The following MOV10 variants were observed in gnomAD, a reference collection of about 807,000 sequenced individuals.
MOV10 encodes the protein Mov10 RNA helicase, also known as RNA helicase MOV-10.
Under a neutral mutation model 108.4 loss-of-function variants are expected in MOV10, and 39 were observed. That is an observed-to-expected ratio of 0.36 (90% CI 0.28 to 0.47). The LOEUF (loss-of-function observed/expected upper bound fraction) is 0.47. Ranked by LOEUF, MOV10 falls within the 20% of genes least tolerant of loss-of-function variation. MOV10 has a pLI of 1.00. For missense variants in MOV10, 952 were observed against 1,297.6 expected, an observed-to-expected ratio of 0.73 and a Z score of 4.09; for synonymous variants, 490 against 523.1, an observed-to-expected ratio of 0.94 and a Z score of 0.86.
intron 2 of MOV10, among the ~76,000 whole-genome samples, chr1:112,678,550 A>G (rs1480055851): frequency 6.6e-6 from 1 of 152,066 alleles, no homozygotes; most frequent in Non-Finnish European, 1.5e-5. Context: ...TAGTCTAGCA[A>G]CCTAGACTAG....
chr1:112,697,968 T>C, intron 14 of MOV10, 26 bp from the exon 15 acceptor site: 3 of 1,597,470 alleles, frequency 1.9e-6, no homozygotes, highest in Non-Finnish European at 2.6e-6. Flanking sequence ...ACCCTTGGTC[T>C]TGCTTTTCCT....
intron 2 of MOV10, among the ~76,000 whole-genome samples, chr1:112,680,784 C>T (rs1672586054): frequency 6.9e-6 from 1 of 145,154 alleles, no homozygotes; most frequent in Non-Finnish European, 1.5e-5. Flanking sequence ...CACACTGCAA[C>T]CTCCACCTCT....
At chr1:112,678,653 G>A (rs1255680471) in intron 2 of MOV10, among the ~76,000 whole-genome samples, 1 of 151,976 alleles carries the variant, frequency 6.6e-6, no homozygotes, top group Admixed American at 6.6e-5. Flanking sequence ...AAAGGGCAAG[G>A]GTAGAGTGTA....
intron 2 of MOV10, among the ~76,000 whole-genome samples, chr1:112,679,836 G>A (rs1225685901): frequency 6.6e-6 from 1 of 152,064 alleles, no homozygotes; most frequent in Non-Finnish European, 1.5e-5. Context: ...TGGGAAAAGG[G>A]CATTTTCTAA....
At chr1:112,686,895 G>T (rs1367170394) in intron 2 of MOV10, 1 of 456,170 alleles carries the variant, frequency 2.2e-6, no homozygotes, top group East Asian at 6.9e-5. Flanking sequence ...CCACTGCCTT[G>T]CTCAGGCCTT....
In MOV10 at chr1:112,694,269, G is replaced by C. The variant is rs1225769842; in HGVS notation, c.1295+97G>C. On this transcript the variant is annotated intron_variant, in intron 8 of 20. Transcript: ENST00000369645. This position sits in a 1 kb window ranked among gnomAD's most constrained non-coding sequence, Gnocchi z 4.1. ...TCTCCCTGAGATAAATGAGACCCCGGGGCAGAGCAGGAGACTTTTCCTCAG... is the reference window on the plus strand; with the variant it reads ...TCTCCCTGAGATAAATGAGACCCCGCGGCAGAGCAGGAGACTTTTCCTCAG... The C allele has an allele frequency of 6.6e-6, 10 of 1,509,204 alleles. No homozygotes were observed. The highest frequency in any genetic ancestry group is 1.8e-5 in the Admixed American group (1 of 57,140). 93.5% of individuals were successfully genotyped at this position (1,509,204 alleles called of 1,614,324 possible).
At chr1:112,681,367 G>A (rs928902852) in intron 2 of MOV10, among the ~76,000 whole-genome samples, 2 of 151,900 alleles carry the variant, frequency 1.3e-5, no homozygotes, top group African/African-American at 2.4e-5. Context: ...GGTGGCGGGC[G>A]CCTGTAATCC....
At chr1:112,682,258 C>G (rs1195378592) in intron 2 of MOV10, among the ~76,000 whole-genome samples, 1 of 152,036 alleles carries the variant, frequency 6.6e-6, no homozygotes, top group Non-Finnish European at 1.5e-5. Context: ...AGGTCTTGCT[C>G]CGTTGTCAAG....
chr1:112,689,959 T>C lies in MOV10; in HGVS notation c.697T>C (p.Tyr233His), dbSNP rs116379281. The C allele has an allele frequency of 1.2e-6, 2 of 1,614,180 alleles. No homozygotes were observed. Among genetic ancestry groups the C allele is most frequent in the Non-Finnish European group, 1.7e-6 (2 of 1,180,052 alleles). Reference protein sequence around the residue: ...ESGSEGAGTFYIARFLAAVAH... With the variant: ...ESGSEGAGTFHIARFLAAVAH... ...GGGTTCAGAAGGAGCCGGCACATTC[T>C]ACATTGCCCGCTTCTTGGCTGCCGT... The change falls in exon 5 of 21, where the codon TAC (tyrosine) becomes CAC (histidine). Residue 233 changes from tyrosine to histidine, a missense_variant. Transcript: ENST00000369645.
At position 112,700,548 on chromosome 1, in the gene MOV10, C is replaced by T. The variant is rs1674559337; in HGVS notation, c.*41C>T. The T allele has an allele frequency of 6.2e-7, 1 of 1,607,200 alleles. No homozygotes were observed. The highest frequency in any genetic ancestry group is 8.5e-7 in the Non-Finnish European group (1 of 1,176,442). On this transcript the variant is annotated 3_prime_UTR_variant, in exon 21 of 21. Coordinates refer to ENST00000369645, the MANE Select transcript of MOV10 (RefSeq NM_001321324.2). ...CCTTCTCGCACCAGCCAAGCCTTAA[C>T]TGCCTGCCTGACCCTGAACCAGAAC...
chr1:112,685,696 AATAAAT>A (rs1673025195), intron 2 of MOV10, among the ~76,000 whole-genome samples: 1 of 151,452 alleles, frequency 6.6e-6, no homozygotes, highest in South Asian at 2.1e-4. Flanking sequence ...TATAAAATAA[AATAAAT>A]ATAGAGGATT....
intron 2 of MOV10, among the ~76,000 whole-genome samples, chr1:112,684,458 G>T (rs1409263393): frequency 2.6e-5 from 4 of 151,692 alleles, no homozygotes; most frequent in African/African-American, 9.7e-5. Context: ...TAGTAGAAAT[G>T]GGTTTCTCCA....
chr1:112,674,894 G>GGCCGCAGCC lies in MOV10; in HGVS notation c.-13_-5dup, dbSNP rs1216139463. 5.8e-6 allele frequency: 9 copies of GGCCGCAGCC among 1,552,104 alleles called. No homozygotes were observed. Among genetic ancestry groups the GGCCGCAGCC allele is most frequent in the Non-Finnish European group, 7.8e-6 (9 of 1,153,816 alleles). ...TCATTTCCACGGACCCTCCTGCCTG[G>GGCCGCAGCC]GCCGCAGCCGCCGCCGCGATGCCCA... On this transcript the variant is annotated 5_prime_UTR_variant, in exon 2 of 21. Coordinates refer to ENST00000369645, the MANE Select transcript of MOV10 (RefSeq NM_001321324.2).
Position 112,688,755 on chromosome 1 carries a change from A to G in MOV10, c.138-180A>G. ...GGGAAGTCCCATTGCCTTCCCTGAA[A>G]ACATTAAACATTCCTCCGATCCCCA... On this transcript the variant is annotated intron_variant, in intron 2 of 20. Transcript: ENST00000369645. The G allele has an allele frequency of 2.1e-6, 3 of 1,440,914 alleles. No individual in the cohort carries two copies. The South Asian group carries it at 4.4e-5, about 21-fold the overall frequency. 89.3% of individuals were successfully genotyped at this position (1,440,914 alleles called of 1,614,324 possible).
chr1:112,695,659 C>A, intron 11 of MOV10, 85 bp downstream of exon 11: 2 of 1,419,972 alleles, frequency 1.4e-6, no homozygotes, highest in Non-Finnish European at 1.9e-6. Context: ...AGCTAGGAGA[C>A]CTGGATTCTG....
Position 112,675,558 on chromosome 1 carries a change from G to C in MOV10, c.137+509G>C, listed in dbSNP as rs1017523919. The stretch of plus-strand genomic sequence containing the variant: ...TCTGGGAGAACTGAAGAGGCCCAGG[G>C]TAGAAGGGAGAAGCTCAGGAAGCTC... On this transcript the variant is annotated intron_variant, in intron 2 of 20. Transcript: ENST00000369645. The surrounding 1 kb of genome is among the most constrained non-coding windows in gnomAD (Gnocchi z 4.7). Among the ~76,000 whole-genome samples, 5 of 152,236 alleles carry C rather than the reference G, an allele frequency of 3.3e-5. No individual in the cohort carries two copies. Among genetic ancestry groups the C allele is most frequent in the African/African-American group, 1.2e-4 (5 of 41,466 alleles).
chr1:112,690,685 G>GTCC, intron 5 of MOV10, among the ~76,000 whole-genome samples: 1 of 152,246 alleles, frequency 6.6e-6, no homozygotes, highest in East Asian at 1.9e-4. Context: ...TTAAACAGCT[G>GTCC]TATTGAGATA....
rs777541279 is a variant in MOV10 at position 112,691,684 on chromosome 1, G to C, written c.856G>C (p.Glu286Gln). ...CTGCAGCGCTAAGGGCTATGACCTG[G>C]AGTTAAGTATGGCGCTGGGGACATA... ...RPDRAKGYDL[E>Q]LSMALGTYYP... Residue 286 changes from glutamate (E) to glutamine (Q), a missense_variant, in exon 6 of 21, where the codon GAG becomes CAG. Physicochemically the swap from Glu to Gln is conservative, Grantham distance 29 (BLOSUM62 2). Coordinates refer to ENST00000369645, the MANE Select transcript of MOV10 (RefSeq NM_001321324.2). 7 of 1,614,030 alleles carry C rather than the reference G, an allele frequency of 4.3e-6. No individual in the cohort carries two copies. The highest frequency in any genetic ancestry group is 8.5e-7 in the Non-Finnish European group (1 of 1,180,042).
At position 112,691,853 on chromosome 1, in the gene MOV10, C is replaced by G. The variant is rs2101368963; in HGVS notation, c.971+54C>G. 1.9e-6 allele frequency: 3 copies of G among 1,579,454 alleles called. No individual in the cohort carries two copies. In the East Asian group the frequency reaches 6.8e-5, roughly 36 times the overall value. The stretch of plus-strand genomic sequence containing the variant: ...TCTCCCGTCTTTTACCTACTGGCTT[C>G]TTTGCATTGCCCTGGCACCTCCGTC... On this transcript the variant is annotated intron_variant, in intron 6 of 20. Transcript: ENST00000369645.
Sources: gnomAD v4.1 joint callset for allele counts (sites outside exome capture counted in the v4.1 genomes callset) on GRCh38, gnomAD v4.1.1 for gene constraint, Gnocchi (gnomAD v3.1) non-coding constraint, MANE v1.5 for transcripts, NCBI Gene and HGNC (gene_info 2026-07-23, HGNC 2026-07-21) for gene names.